The following GRID2 variants were observed in gnomAD, a reference collection of about 807,000 sequenced individuals.
GRID2 encodes the protein glutamate ionotropic receptor delta type subunit 2.
Under a neutral mutation model 114.8 loss-of-function variants are expected in GRID2, and 33 were observed. The ratio of observed to expected loss-of-function variants is 0.29; its 90% CI spans 0.22 to 0.38. GRID2 has a LOEUF of 0.38. GRID2 is among the 10% of genes least tolerant of loss of function. GRID2 has a pLI of 1.00. For synonymous variants in GRID2, 505 were observed against 449.9 expected, an observed-to-expected ratio of 1.12 and a Z score of -1.55; for missense variants, 1,184 against 1,257.7, an observed-to-expected ratio of 0.94 and a Z score of 0.89.
intron 2 of GRID2, among the ~76,000 whole-genome samples, chr4:92,960,710 A>G (rs1227127444): frequency 6.6e-6 from 1 of 151,998 alleles, no homozygotes; most frequent in Non-Finnish European, 1.5e-5. Context: ...TTTAATTGAT[A>G]TATTTATACC....
At chr4:93,728,369 G>C (rs1427401208) in intron 14 of GRID2, among the ~76,000 whole-genome samples, 1 of 152,080 alleles carries the variant, frequency 6.6e-6, no homozygotes, top group Non-Finnish European at 1.5e-5. Context: ...TATAATTTCT[G>C]TTCTTTTATA....
intron 2 of GRID2, among the ~76,000 whole-genome samples, chr4:93,057,301 T>C (rs777351497): frequency 6.6e-6 from 1 of 151,962 alleles, no homozygotes; most frequent in Non-Finnish European, 1.5e-5. Context: ...TCAGTGTCCC[T>C]GTTTCAGTTA....
intron 14 of GRID2, among the ~76,000 whole-genome samples, chr4:93,657,586 A>C (rs944953582): frequency 3.3e-5 from 5 of 152,264 alleles, no homozygotes; most frequent in African/African-American, 1.2e-4. Context: ...AAGTAATACT[A>C]CACTCTTTGA....
chr4:93,281,346 A>G (rs888399137), intron 8 of GRID2, among the ~76,000 whole-genome samples: 1 of 151,946 alleles, frequency 6.6e-6, no homozygotes, highest in Admixed American at 6.6e-5. Flanking sequence ...GAAGACAAGG[A>G]TGGCAGTATG....
At chr4:92,765,447 C>A (rs1275001074) in intron 2 of GRID2, among the ~76,000 whole-genome samples, 4 of 152,018 alleles carry the variant, frequency 2.6e-5, no homozygotes, top group Non-Finnish European at 5.9e-5. Flanking sequence ...TGTCGTTGAT[C>A]TCCAGGAAGG....
At chr4:93,164,380 G>A (rs920109357) in intron 4 of GRID2, among the ~76,000 whole-genome samples, 24 of 151,992 alleles carry the variant, frequency 1.6e-4, no homozygotes, top group African/African-American at 5.1e-4. Context: ...CATCAGAAAA[G>A]CATCTAAGTT....
chr4:92,877,141 A>G (rs1454049729), intron 2 of GRID2, among the ~76,000 whole-genome samples: 2 of 152,240 alleles, frequency 1.3e-5, no homozygotes, highest in South Asian at 2.1e-4. Context: ...ATCTATGTAT[A>G]GAGTCTCAAC....
At chr4:92,883,058 T>C (rs1228645693) in intron 2 of GRID2, among the ~76,000 whole-genome samples, 6 of 152,234 alleles carry the variant, frequency 3.9e-5, no homozygotes, top group Non-Finnish European at 8.8e-5. Flanking sequence ...TACTGTTTGA[T>C]AGCATTTAAC....
At chr4:93,670,297 T>G (rs1387392583) in intron 14 of GRID2, among the ~76,000 whole-genome samples, 1 of 152,182 alleles carries the variant, frequency 6.6e-6, no homozygotes, top group Non-Finnish European at 1.5e-5. Context: ...TTAAGAAAAC[T>G]GAAATCCTGT....
chr4:93,405,529 C>G (rs1176959014), intron 9 of GRID2, among the ~76,000 whole-genome samples: 1 of 152,036 alleles, frequency 6.6e-6, no homozygotes, highest in African/African-American at 2.4e-5. Flanking sequence ...ATCTAATTTA[C>G]TTCTGAAAAA....
intron 1 of GRID2, among the ~76,000 whole-genome samples, chr4:92,460,993 A>G (rs1721467069): frequency 6.6e-6 from 1 of 151,724 alleles, no homozygotes; most frequent in African/African-American, 2.4e-5. Context: ...CTTCTTCCTC[A>G]TATGTATCTA....
At chr4:93,619,814 A>G (rs1191801121) in intron 13 of GRID2, among the ~76,000 whole-genome samples, 1 of 152,208 alleles carries the variant, frequency 6.6e-6, no homozygotes, top group Non-Finnish European at 1.5e-5. Context: ...GAACTGAGGA[A>G]GCTGCATGCT....
At chr4:92,364,365 T>C (rs538472066) in intron 1 of GRID2, among the ~76,000 whole-genome samples, 2 of 152,088 alleles carry the variant, frequency 1.3e-5, no homozygotes, top group Non-Finnish European at 2.9e-5. Flanking sequence ...AAAATAGCTG[T>C]AATTCATTCA....
intron 8 of GRID2, among the ~76,000 whole-genome samples, chr4:93,321,585 T>C (rs1757219191): frequency 6.6e-6 from 1 of 152,108 alleles, no homozygotes. Context: ...GATTCAGCCC[T>C]ATTTTTGAAA....
intron 13 of GRID2, among the ~76,000 whole-genome samples, chr4:93,615,770 T>C (rs943394259): frequency 6.6e-6 from 1 of 152,188 alleles, no homozygotes; most frequent in African/African-American, 2.4e-5. Context: ...ATTTTTTTAA[T>C]GTGTCATTGT....
intron 2 of GRID2, among the ~76,000 whole-genome samples, chr4:92,748,246 A>C (rs1326576277): frequency 6.6e-6 from 1 of 152,206 alleles, no homozygotes; most frequent in Non-Finnish European, 1.5e-5. Flanking sequence ...TTGTTTGGGA[A>C]GTGCCAAAAA....
intron 14 of GRID2, among the ~76,000 whole-genome samples, chr4:93,695,539 A>T (rs1726946362): frequency 6.6e-6 from 1 of 152,208 alleles, no homozygotes; most frequent in Non-Finnish European, 1.5e-5. Context: ...CCATAAGTGA[A>T]TTAGGATAGC....
chr4:92,309,591 A>C (rs1725593668), intron 1 of GRID2, among the ~76,000 whole-genome samples: 1 of 151,822 alleles, frequency 6.6e-6, no homozygotes, highest in African/African-American at 2.4e-5. Flanking sequence ...TGTCATTTTA[A>C]TGAGGTTTGT....
chr4:93,469,870 T>C (rs1724639584), intron 11 of GRID2, among the ~76,000 whole-genome samples: 1 of 152,164 alleles, frequency 6.6e-6, no homozygotes, highest in Non-Finnish European at 1.5e-5. Flanking sequence ...TTATTGCAAA[T>C]AGTTGTATAG....
Sources: allele counts gnomAD v4.1 joint callset (sites outside exome capture counted in the v4.1 genomes callset), GRCh38; gene constraint gnomAD v4.1.1; transcripts MANE v1.5; gene names NCBI Gene and HGNC (gene_info 2026-07-23, HGNC 2026-07-21).